Variants in ROBO1 observed in about 807,000 individuals in gnomAD.
The protein encoded by ROBO1 is roundabout homolog 1.
A neutral mutation model predicts 195.9 loss-of-function variants in ROBO1; 149 were observed. The ratio of observed to expected loss-of-function variants is 0.76; its 90% CI spans 0.67 to 0.87. The LOEUF (loss-of-function observed/expected upper bound fraction) is 0.87, where lower values mean the gene tolerates loss of function less well. ROBO1 is among the 40% of genes least tolerant of loss of function. ROBO1 has a pLI of 0.00. For synonymous variants in ROBO1, 816 were observed against 733.2 expected, an observed-to-expected ratio of 1.11 and a Z score of -1.82; for missense variants, 1,933 against 2,068.3, an observed-to-expected ratio of 0.93 and a Z score of 1.27.
chr3:79,003,923 A>G (rs914922376), intron 3 of ROBO1, among the ~76,000 whole-genome samples: 1 of 152,150 alleles, frequency 6.6e-6, no homozygotes, highest in Non-Finnish European at 1.5e-5. Flanking sequence ...CCACATACCC[A>G]TGGCATGGTG....
chr3:79,026,413 G>A (rs1054981965), intron 3 of ROBO1, among the ~76,000 whole-genome samples: 1 of 152,000 alleles, frequency 6.6e-6, no homozygotes, highest in Non-Finnish European at 1.5e-5. Flanking sequence ...TGGTTTTTGT[G>A]TGTAAAGATC....
intron 2 of ROBO1, among the ~76,000 whole-genome samples, chr3:79,137,839 G>A (rs1437330394): frequency 6.6e-6 from 1 of 151,962 alleles, no homozygotes; most frequent in Non-Finnish European, 1.5e-5. Flanking sequence ...AATTTCAATA[G>A]CATACAAACA....
chr3:79,582,432 T>C (rs537297666), intron 2 of ROBO1, among the ~76,000 whole-genome samples: 1 of 152,016 alleles, frequency 6.6e-6, no homozygotes, highest in East Asian at 1.9e-4. Context: ...GACAATTTGA[T>C]GTGTAATTTG....
Position 78,714,447 on chromosome 3 carries a change from G to A in ROBO1, c.995C>T (p.Ala332Val), listed in dbSNP as rs2081847659. ...TTCAGCTTTGCCCACCATATTTTCT[G>A]CAACACAAGTGTATGAACCCATGTC... ...AGDMGSYTCVAENMVGKAEAS... is the reference protein window; with the variant it reads ...AGDMGSYTCVVENMVGKAEAS... The change falls in exon 8 of 31, where the codon GCA becomes GTA. Residue 332 changes from alanine to valine, a missense_variant. Physicochemically the swap from Ala to Val is moderately conservative, Grantham distance 64 (BLOSUM62 0). This residue lies in a region of ROBO1 where 1,737 missense variants were observed against 1,882.5 expected (regional missense o/e 0.92). Transcript: ENST00000464233. The A allele has an allele frequency of 1.1e-5, 18 of 1,613,056 alleles. No homozygotes were observed. Among genetic ancestry groups the A allele is most frequent in the Non-Finnish European group, 1.5e-5 (18 of 1,179,478 alleles).
intron 3 of ROBO1, among the ~76,000 whole-genome samples, chr3:79,104,028 C>T (rs562812181): frequency 1.3e-5 from 2 of 151,812 alleles, no homozygotes; most frequent in East Asian, 1.9e-4. Context: ...TCTACTCTGA[C>T]AACACATTAA....
chr3:79,344,703 A>G (rs2035042646), intron 2 of ROBO1, among the ~76,000 whole-genome samples: 1 of 152,066 alleles, frequency 6.6e-6, no homozygotes, highest in Admixed American at 6.6e-5. Context: ...ATGCATACAT[A>G]TATGCATATA....
chr3:79,417,475 A>T (rs77745194), intron 2 of ROBO1, among the ~76,000 whole-genome samples: 5,231 of 152,224 alleles, frequency 0.034, 199 homozygotes, highest in African/African-American at 0.098. Context: ...CTACTTCTAG[A>T]TTCCTGATCC....
chr3:79,596,374 T>A (rs1394624990), intron 1 of ROBO1, among the ~76,000 whole-genome samples: 1 of 151,968 alleles, frequency 6.6e-6, no homozygotes, highest in East Asian at 1.9e-4. Flanking sequence ...CACAAGGAAG[T>A]AGCCAAAGTG....
At chr3:79,735,310 G>C (rs1367043667) in intron 1 of ROBO1, among the ~76,000 whole-genome samples, 1 of 152,186 alleles carries the variant, frequency 6.6e-6, no homozygotes, top group African/African-American at 2.4e-5. Context: ...ATTTCATCTA[G>C]AGTGTGTCTG....
intron 4 of ROBO1, among the ~76,000 whole-genome samples, chr3:78,816,811 G>T (rs2030002013): frequency 6.6e-6 from 1 of 152,118 alleles, no homozygotes; most frequent in Admixed American, 6.6e-5. Context: ...TTGAACAGAT[G>T]AAGAGTCACT....
intron 2 of ROBO1, among the ~76,000 whole-genome samples, chr3:79,476,462 T>G (rs991488813): frequency 6.6e-6 from 1 of 152,142 alleles, no homozygotes; most frequent in African/African-American, 2.4e-5. Context: ...TGCACACGCA[T>G]GTTTATAGCA....
intron 7 of ROBO1, among the ~76,000 whole-genome samples, chr3:78,715,989 C>A (rs1350613483): frequency 6.6e-6 from 1 of 152,208 alleles, no homozygotes; most frequent in Non-Finnish European, 1.5e-5. Flanking sequence ...CTATGCCCTA[C>A]CTAGCCATGC....
intron 7 of ROBO1, chr3:78,715,124 A>T (rs2081867962): frequency 1.3e-5 from 2 of 152,272 alleles, no homozygotes; most frequent in East Asian, 3.9e-4. Context: ...CCCTGAGTTA[A>T]GTTATCTACT....
chr3:79,063,106 T>C (rs1486386014), intron 3 of ROBO1, among the ~76,000 whole-genome samples: 1 of 151,912 alleles, frequency 6.6e-6, no homozygotes, highest in African/African-American at 2.4e-5. Flanking sequence ...TACACAACTC[T>C]GGAGTAGAAC....
At chr3:78,956,547 C>T (rs1560046319) in intron 3 of ROBO1, among the ~76,000 whole-genome samples, 1 of 152,022 alleles carries the variant, frequency 6.6e-6, no homozygotes, top group Non-Finnish European at 1.5e-5. Flanking sequence ...ATCCCCATTG[C>T]CTGAAACAGC....
intron 2 of ROBO1, among the ~76,000 whole-genome samples, chr3:79,555,007 G>A (rs1942648022): frequency 6.6e-6 from 1 of 152,058 alleles, no homozygotes; most frequent in African/African-American, 2.4e-5. Flanking sequence ...AATTTGGGTA[G>A]AGAAAAATGT....
intron 8 of ROBO1, among the ~76,000 whole-genome samples, chr3:78,704,044 C>A (rs1240925012): frequency 2.6e-5 from 4 of 152,054 alleles, no homozygotes; most frequent in African/African-American, 9.7e-5. Flanking sequence ...ATATGTGTTT[C>A]ATCAAAATGT....
intron 7 of ROBO1, among the ~76,000 whole-genome samples, chr3:78,716,603 T>G (rs1050983262): frequency 2.0e-5 from 3 of 152,210 alleles, no homozygotes; most frequent in African/African-American, 7.2e-5. Flanking sequence ...ATTGTTATTC[T>G]GTATCTATCA....
At chr3:79,654,219 G>A (rs1946095216) in intron 1 of ROBO1, among the ~76,000 whole-genome samples, 1 of 151,936 alleles carries the variant, frequency 6.6e-6, no homozygotes, top group Non-Finnish European at 1.5e-5. Flanking sequence ...TTAATCATTG[G>A]AGAAGAATGG....
Sources: gnomAD v4.1 joint callset for allele counts (sites outside exome capture counted in the v4.1 genomes callset) on GRCh38, gnomAD v4.1.1 for gene constraint, gnomAD v4.1.1 regional missense constraint, MANE v1.5 for transcripts, NCBI Gene and HGNC (gene_info 2026-07-23, HGNC 2026-07-21) for gene names.